Variants in SCNN1B observed in about 807,000 individuals in gnomAD.
SCNN1B encodes sodium channel epithelial 1 subunit beta.
In SCNN1B, 46 loss-of-function variants were observed where a neutral mutation model predicts 65.3. That is an observed-to-expected ratio of 0.70 (90% CI 0.56 to 0.90). The LOEUF (loss-of-function observed/expected upper bound fraction) is 0.90, where lower values mean the gene tolerates loss of function less well. SCNN1B is among the 40% of genes least tolerant of loss of function. The pLI, the probability that SCNN1B is intolerant of heterozygous loss-of-function variation, is 0.00. For synonymous variants in SCNN1B, 349 were observed against 330.6 expected (o/e 1.06, Z -0.60); for missense variants, 751 against 830.5 (o/e 0.90, Z 1.18).
chr16:23,331,702 A>G (rs1961815575), intron 1 of SCNN1B, among the ~76,000 whole-genome samples: 1 of 152,174 alleles, frequency 6.6e-6, no homozygotes. Context: ...ATTTCAACAT[A>G]TGAATTCATT....
At chr16:23,355,038 C>G (rs1030114966) in intron 3 of SCNN1B, among the ~76,000 whole-genome samples, 1 of 152,152 alleles carries the variant, frequency 6.6e-6, no homozygotes, top group East Asian at 1.9e-4. Flanking sequence ...GGTCTCCTAA[C>G]CTCCCAGGCC....
intron 6 of SCNN1B, 23 bp downstream of exon 6, chr16:23,371,485 G>A: frequency 1.2e-6 from 2 of 1,611,854 alleles, no homozygotes; most frequent in Non-Finnish European, 8.5e-7. Flanking sequence ...CCCAAGGGCA[G>A]TCCTAGAGGG....
intron 7 of SCNN1B, among the ~76,000 whole-genome samples, chr16:23,373,155 GT>G (rs1029066524): frequency 3.9e-5 from 6 of 152,124 alleles, no homozygotes; most frequent in African/African-American, 1.4e-4. Flanking sequence ...GTCTTGCTCT[GT>G]TACCCAGGCT....
At chr16:23,332,746 G>A (rs1355850635) in intron 1 of SCNN1B, among the ~76,000 whole-genome samples, 4 of 152,066 alleles carry the variant, frequency 2.6e-5, no homozygotes, top group Admixed American at 6.6e-5. Context: ...CCAGCCTCAC[G>A]GGTCTTCCTT....
chr16:23,365,620 A>AGAAAG (rs11399911), intron 4 of SCNN1B, among the ~76,000 whole-genome samples: 5,248 of 79,790 alleles, frequency 0.066, 268 homozygotes, highest in East Asian at 0.11. Flanking sequence ...AAAGAAAGAA[A>AGAAAG]AAAGAAAGAA....
rs867844505 is a variant in SCNN1B, at chr16:23,375,995, C to A, written c.1270+140C>A. 2.0e-5 allele frequency: 13 copies of A among 643,536 alleles called. No individual in the cohort carries two copies. In the Middle Eastern group the frequency reaches 1.6e-3, roughly 78 times the overall value. 39.9% of individuals were successfully genotyped at this position (643,536 alleles called of 1,614,324 possible). A position where few individuals can be genotyped will look rare whatever the true frequency, so the allele number is the denominator to read the frequency against. On this transcript the variant is annotated intron_variant, in intron 8 of 12. Coordinates refer to ENST00000343070, the MANE Select transcript of SCNN1B (RefSeq NM_000336.3). The stretch of plus-strand genomic sequence containing the variant: ...GTGGCTCCTCCACAGTCTGAGGTCC[C>A]TCCTATGATCCCCTCCCAGGCCTCC...
At chr16:23,377,603 CTT>C (rs1962934042) in intron 10 of SCNN1B, among the ~76,000 whole-genome samples, 1 of 138,246 alleles carries the variant, frequency 7.2e-6, no homozygotes, top group African/African-American at 3.1e-5. Context: ...CCCTTCCTTC[CTT>C]CCTTCTTTCT....
At chr16:23,353,338 T>C (rs1962351752) in intron 3 of SCNN1B, 1 of 530,438 alleles carries the variant, frequency 1.9e-6, no homozygotes, top group Non-Finnish European at 3.4e-6. Flanking sequence ...TCCAGAGGTA[T>C]ACTGCATTCA....
chr16:23,310,238 C>G (rs1456261232), intron 1 of SCNN1B, among the ~76,000 whole-genome samples: 1 of 141,878 alleles, frequency 7.0e-6, no homozygotes, highest in Non-Finnish European at 1.5e-5. Context: ...TAATAAAAGG[C>G]CTTCAAGATT....
At chr16:23,328,962 AT>A (rs1365837886) in intron 1 of SCNN1B, among the ~76,000 whole-genome samples, 1 of 151,530 alleles carries the variant, frequency 6.6e-6, no homozygotes, top group Non-Finnish European at 1.5e-5. Flanking sequence ...TACCCAGTTC[AT>A]TTTTTAAGAT....
intron 2 of SCNN1B, among the ~76,000 whole-genome samples, chr16:23,285,780 G>T (rs983370745): frequency 6.6e-6 from 1 of 152,254 alleles, no homozygotes; most frequent in South Asian, 2.1e-4. Context: ...TCAAGACCAG[G>T]CTGGGCAACA....
At chr16:23,309,699 C>A (rs1961299903) in intron 1 of SCNN1B, among the ~76,000 whole-genome samples, 1 of 152,298 alleles carries the variant, frequency 6.6e-6, no homozygotes, top group South Asian at 2.1e-4. Context: ...TAGCTGGTGC[C>A]CACTCAGATT....
intron 1 of SCNN1B, among the ~76,000 whole-genome samples, chr16:23,280,489 G>A (rs1056663107): frequency 2.0e-5 from 3 of 152,166 alleles, no homozygotes; most frequent in African/African-American, 7.2e-5. Context: ...GAAGTGCTGG[G>A]ATTATAGGCG....
intron 1 of SCNN1B, among the ~76,000 whole-genome samples, chr16:23,339,779 G>A (rs147934978): frequency 6.6e-5 from 10 of 151,798 alleles, no homozygotes; most frequent in East Asian, 5.8e-4. Flanking sequence ...TGTTGGCCAC[G>A]GAGTCTCAAA....
intron 8 of SCNN1B, 151 bp from the exon 9 acceptor site, chr16:23,377,014 G>C (rs1165075553): frequency 1.4e-5 from 10 of 732,272 alleles, no homozygotes; most frequent in Non-Finnish European, 2.4e-5. Flanking sequence ...TCGGGGGCTG[G>C]GTGGGGAGCG....
chr16:23,347,852 T>C (rs965222175), intron 1 of SCNN1B, among the ~76,000 whole-genome samples: 1 of 152,232 alleles, frequency 6.6e-6, no homozygotes, highest in African/African-American at 2.4e-5. Flanking sequence ...GAGATTGCAG[T>C]GAGCCATGAC....
At chr16:23,342,446 C>T (rs964365162) in intron 1 of SCNN1B, among the ~76,000 whole-genome samples, 3 of 152,172 alleles carry the variant, frequency 2.0e-5, no homozygotes, top group Non-Finnish European at 4.4e-5. Flanking sequence ...AGGGCTGTAC[C>T]ATATTGGCTA....
At chr16:23,298,983 C>A (rs1961035381), upstream of SCNN1B, among the ~76,000 whole-genome samples, 1 of 151,966 alleles carries the variant, frequency 6.6e-6, no homozygotes, top group African/African-American at 2.4e-5. Flanking sequence ...CAAAAGAAAA[C>A]CTTCAAAAAT....
At chr16:23,334,268 AC>A (rs1384313013) in intron 1 of SCNN1B, among the ~76,000 whole-genome samples, 2 of 151,954 alleles carry the variant, frequency 1.3e-5, no homozygotes, top group Non-Finnish European at 2.9e-5. Context: ...CCCATGACCC[AC>A]CCCGGAGAAC....
Sources: allele counts gnomAD v4.1 joint callset (sites outside exome capture counted in the v4.1 genomes callset), GRCh38; gene constraint gnomAD v4.1.1; transcripts MANE v1.5; gene names NCBI Gene and HGNC (gene_info 2026-07-23, HGNC 2026-07-21).